BCHE: variants seen among roughly 807,000 people sequenced by gnomAD.
BCHE encodes the protein butyrylcholinesterase.
Under a neutral mutation model 51.3 loss-of-function variants are expected in BCHE, and 48 were observed. That is an observed-to-expected ratio of 0.94 (90% CI 0.74 to 1.19). The LOEUF (loss-of-function observed/expected upper bound fraction) is 1.19, where lower values mean the gene tolerates loss of function less well. Ranked by LOEUF, BCHE falls within the 50% of genes most tolerant of loss-of-function variation. The pLI is 0.00. For synonymous variants in BCHE, 251 were observed against 238.0 expected (o/e 1.05, Z -0.50); for missense variants, 847 against 708.2 (o/e 1.20, Z -2.23).
chr3:165,794,979 A>G (rs1284787144), intron 2 of BCHE, among the ~76,000 whole-genome samples: 3 of 152,280 alleles, frequency 2.0e-5, no homozygotes, highest in Non-Finnish European at 2.9e-5. Context: ...TCCAGTGCCT[A>G]TCATAAACCT....
At chr3:165,786,877 T>G (rs994121763) in intron 2 of BCHE, among the ~76,000 whole-genome samples, 4 of 151,828 alleles carry the variant, frequency 2.6e-5, no homozygotes, top group African/African-American at 9.7e-5. Context: ...TTAAAAATCT[T>G]TCAATAATTC....
Position 165,829,941 on chromosome 3 carries a change from A to C in BCHE, c.1093T>G (p.Phe365Val), listed in dbSNP as rs1560022808. The change falls in exon 2 of 4, where the codon TTC becomes GTC. Residue 365 changes from phenylalanine to valine, a missense_variant. Transcript: ENST00000264381. The part of the protein sequence containing the change: ...TAFLVYGAPG[F>V]SKDNNSIITR... ...ATGATACTATTGTTATCTTTGCTGA[A>C]GCCAGGAGCACCATAGACTAAAAAA... 1 of 1,613,660 alleles carries C rather than the reference A, an allele frequency of 6.2e-7. No individual in the cohort carries two copies. The highest frequency in any genetic ancestry group is 8.5e-7 in the Non-Finnish European group (1 of 1,179,844).
intron 2 of BCHE, among the ~76,000 whole-genome samples, chr3:165,818,813 G>A (rs77508512): frequency 0.034 from 5,121 of 152,052 alleles, 293 homozygotes; most frequent in African/African-American, 0.12. Flanking sequence ...ACATATATAC[G>A]TATTATTCAC....
intron 2 of BCHE, among the ~76,000 whole-genome samples, chr3:165,814,263 T>A (rs1361451916): frequency 6.6e-6 from 1 of 152,108 alleles, no homozygotes; most frequent in Admixed American, 6.6e-5. Flanking sequence ...ATTTCAGGGT[T>A]CATTAATATG....
chr3:165,835,483 A>T (rs796196196), intron 1 of BCHE, among the ~76,000 whole-genome samples: 1 of 151,962 alleles, frequency 6.6e-6, no homozygotes, highest in African/African-American at 2.4e-5. Context: ...ACTTGGAAAT[A>T]AACCCTCTTA....
chr3:165,833,372 T>C (rs1203572360), intron 1 of BCHE, among the ~76,000 whole-genome samples: 1 of 152,146 alleles, frequency 6.6e-6, no homozygotes, highest in Non-Finnish European at 1.5e-5. Flanking sequence ...TTAGATGCCA[T>C]AGCCTACCAC....
intron 2 of BCHE, among the ~76,000 whole-genome samples, chr3:165,821,984 TA>T (rs1714541923): frequency 6.6e-6 from 1 of 151,890 alleles, no homozygotes; most frequent in Admixed American, 6.6e-5. Flanking sequence ...TAAATTTCCT[TA>T]AAGTGTAAGG....
In BCHE at chr3:165,830,895, T is replaced by C. The variant is rs1447059536; in HGVS notation, c.139A>G (p.Thr47Ala). The change falls in exon 2 of 4, where the codon ACA becomes GCA. Residue 47 changes from threonine to alanine, a missense_variant. Physicochemically the swap from Thr to Ala is moderately conservative, Grantham distance 58. Transcript: ENST00000264381. ...KNGKVRGMNL[T>A]VFGGTVTAFL... ...GCTGTTACCGTGCCACCAAAAACTG[T>C]CAAGTTCATCCCTCTGACTTTTCCA... The C allele has an allele frequency of 1.2e-6, 2 of 1,613,960 alleles. No individual in the cohort carries two copies. Among genetic ancestry groups the C allele is most frequent in the South Asian group, 1.1e-5 (1 of 91,090 alleles).
At chr3:165,800,577 A>C (rs1359200846) in intron 2 of BCHE, among the ~76,000 whole-genome samples, 1 of 152,140 alleles carries the variant, frequency 6.6e-6, no homozygotes. Context: ...CACCAGATGT[A>C]TTCACTACTG....
At chr3:165,825,122 G>A (rs556839918) in intron 2 of BCHE, among the ~76,000 whole-genome samples, 1 of 151,842 alleles carries the variant, frequency 6.6e-6, no homozygotes, top group East Asian at 1.9e-4. Flanking sequence ...TCCAGTACTG[G>A]CATAAGAATA....
chr3:165,832,817 C>T (rs1715039172), intron 1 of BCHE, among the ~76,000 whole-genome samples: 1 of 151,956 alleles, frequency 6.6e-6, no homozygotes, highest in Non-Finnish European at 1.5e-5. Flanking sequence ...TAGATTTTCT[C>T]AAAGAAAGAG....
In BCHE at chr3:165,800,416, AT is replaced by A. The variant is rs200286300; in HGVS notation, c.1518-14106del. On this transcript the variant is annotated intron_variant, in intron 2 of 3. Transcript: ENST00000264381. ...AATTCCAGGCCCCAGGGCTATTTTT[AT>A]TTTTTTTCTCAAAGAGAAATATGTC... is the stretch of plus-strand genomic sequence containing the variant. Among the ~76,000 whole-genome samples the A allele has an allele frequency of 6.8e-3, 1,029 of 151,890 alleles. 5 individuals carry two copies. Among genetic ancestry groups the A allele is most frequent in the Non-Finnish European group, 0.011 (740 of 67,888 alleles).
At chr3:165,801,048 C>A (rs1304164401) in intron 2 of BCHE, among the ~76,000 whole-genome samples, 1 of 152,084 alleles carries the variant, frequency 6.6e-6, no homozygotes, top group Non-Finnish European at 1.5e-5. Flanking sequence ...GAAAGCCAAC[C>A]TTCCTTCCTG....
intron 3 of BCHE, among the ~76,000 whole-genome samples, chr3:165,779,653 CT>C: frequency 6.6e-6 from 1 of 152,200 alleles, no homozygotes. Flanking sequence ...CATGAATGAA[CT>C]CCATTCACAA....
chr3:165,777,190 T>A (rs1418061032), intron 3 of BCHE, among the ~76,000 whole-genome samples: 1 of 151,904 alleles, frequency 6.6e-6, no homozygotes, highest in Admixed American at 6.6e-5. Context: ...CTTGTAGAAT[T>A]TCATGCAACT....
At position 165,830,128 on chromosome 3, in the gene BCHE, C is replaced by T; in HGVS notation, c.906G>A (p.Leu302=). The T allele has an allele frequency of 1.2e-6, 2 of 1,613,882 alleles. No individual in the cohort carries two copies. Among genetic ancestry groups the T allele is most frequent in the Non-Finnish European group, 1.7e-6 (2 of 1,179,878 alleles). The part of the protein sequence containing the change: ...LRNKDPQEIL[L]NEAFVVPYGT... ...CATAGGGGACAACAAATGCTTCATT[C>T]AGAAGAATTTCTTGGGGATCTTTAT... Residue 302 remains leucine (L), a synonymous_variant, in exon 2 of 4, where the codon CTG becomes CTA. Coordinates refer to ENST00000264381, the MANE Select transcript of BCHE (RefSeq NM_000055.4).
At chr3:165,808,014 C>T (rs1713933395) in intron 2 of BCHE, among the ~76,000 whole-genome samples, 1 of 150,460 alleles carries the variant, frequency 6.6e-6, no homozygotes, top group Non-Finnish European at 1.5e-5. Context: ...GACAGAGTCT[C>T]GCTCTGTCGC....
chr3:165,823,572 T>C (rs1013769080), intron 2 of BCHE, among the ~76,000 whole-genome samples: 1 of 152,044 alleles, frequency 6.6e-6, no homozygotes, highest in African/African-American at 2.4e-5. Flanking sequence ...CACTACTGAA[T>C]CAAGAAGGAA....
rs73026261 is a variant in BCHE at position 165,778,113 on chromosome 3, G to T, written c.1685-4607C>A. Among the ~76,000 whole-genome samples, 983 of 152,022 alleles carry T rather than the reference G, an allele frequency of 6.5e-3. 12 individuals are homozygous for T. Among genetic ancestry groups the T allele is most frequent in the African/African-American group, 0.022 (931 of 41,488 alleles). On this transcript the variant is annotated intron_variant, in intron 3 of 3. Transcript: ENST00000264381. ...CTAACCCCCAGATTGTTTTTCCAGA[G>T]TCAACTGTTTATGCAAACATAGATG...
Sources: gnomAD v4.1 joint callset for allele counts (sites outside exome capture counted in the v4.1 genomes callset) on GRCh38, gnomAD v4.1.1 for gene constraint, MANE v1.5 for transcripts, NCBI Gene and HGNC (gene_info 2026-07-23, HGNC 2026-07-21) for gene names.